The following PSMG2 variants were observed in gnomAD, a reference collection of about 807,000 sequenced individuals.
PSMG2 encodes proteasome assembly chaperone 2, also known as CD40 ligand-activated specific transcript 3.
A neutral mutation model predicts 31.5 loss-of-function variants in PSMG2; 21 were observed. The observed-to-expected ratio is 0.67, with a 90% CI of 0.47 to 0.96. PSMG2 has a LOEUF of 0.96. PSMG2 is among the 40% of genes least tolerant of loss of function. The pLI is 0.00. For synonymous variants in PSMG2, 120 were observed against 110.4 expected, an observed-to-expected ratio of 1.09 and a Z score of -0.54; for missense variants, 318 against 321.2, an observed-to-expected ratio of 0.99 and a Z score of 0.08.
chr18:12,701,083 G>A, upstream of PSMG2: 3 of 1,612,878 alleles, frequency 1.9e-6, no homozygotes, highest in Non-Finnish European at 2.5e-6. Context: ...GTCTCAGCAA[G>A]GATTTCTCTT....
intron 3 of PSMG2, among the ~76,000 whole-genome samples, chr18:12,716,983 C>T (rs1386825871): frequency 2.2e-5 from 3 of 136,978 alleles, no homozygotes; most frequent in Non-Finnish European, 4.6e-5. Flanking sequence ...GACAGGGTGT[C>T]ACTCCACCCA....
intron 1 of PSMG2, chr18:12,686,067 AT>A (rs1438147715): frequency 4.3e-6 from 2 of 468,424 alleles, no homozygotes; most frequent in South Asian, 3.2e-5. Context: ...AATTTGTACT[AT>A]TTTTTATTAT....
chr18:12,661,279 G>T, intron 1 of PSMG2: 1 of 683,248 alleles, frequency 1.5e-6, no homozygotes, highest in Non-Finnish European at 1.8e-6. Flanking sequence ...TTGCACCCCA[G>T]CCTGGGTGAC....
At chr18:12,705,079 T>G (rs1172402354) in intron 1 of PSMG2, among the ~76,000 whole-genome samples, 1 of 152,150 alleles carries the variant, frequency 6.6e-6, no homozygotes, top group African/African-American at 2.4e-5. Context: ...TTTTTTTTTT[T>G]TGAGATGGAG....
intron 2 of PSMG2, among the ~76,000 whole-genome samples, chr18:12,709,896 A>G (rs1472177215): frequency 6.6e-6 from 1 of 150,918 alleles, no homozygotes; most frequent in Non-Finnish European, 1.5e-5. Flanking sequence ...TCAGCCTCCC[A>G]AAGTGCCGGA....
At chr18:12,701,399 G>A (rs1189890225), upstream of PSMG2, among the ~76,000 whole-genome samples, 1 of 152,126 alleles carries the variant, frequency 6.6e-6, no homozygotes, top group Non-Finnish European at 1.5e-5. Context: ...ACTGGGAGTA[G>A]GCAGATCAAA....
intron 2 of PSMG2, among the ~76,000 whole-genome samples, chr18:12,706,927 G>T (rs767644973): frequency 6.6e-6 from 1 of 151,950 alleles, no homozygotes; most frequent in Non-Finnish European, 1.5e-5. Flanking sequence ...TCTTACGAAG[G>T]TTGAGAATAA....
At chr18:12,662,126 T>C (rs1368329217) in intron 1 of PSMG2, 1 of 450,498 alleles carries the variant, frequency 2.2e-6, no homozygotes, top group East Asian at 7.0e-5. Context: ...GCCCAAGCTT[T>C]TCCCAGACAC....
chr18:12,683,338 C>T (rs941175932), intron 1 of PSMG2, among the ~76,000 whole-genome samples: 11 of 142,534 alleles, frequency 7.7e-5, no homozygotes, highest in African/African-American at 2.1e-4. Context: ...GGCGACAGAG[C>T]GAGACCCCGT....
rs911319336 is a variant in PSMG2, at chr18:12,720,494, A to G, written c.408-16A>G. On this transcript the variant is annotated splice_polypyrimidine_tract_variant and intron_variant, in intron 4 of 6. Coordinates refer to ENST00000317615, the MANE Select transcript of PSMG2 (RefSeq NM_020232.5). Reference sequence around the variant, plus strand: ...CTTTAGAGTTTTTAAAAAGTTAACTATATGATTATTTCTAGTACTCCCTTC... The same window carrying G: ...CTTTAGAGTTTTTAAAAAGTTAACTGTATGATTATTTCTAGTACTCCCTTC... The G allele has an allele frequency of 4.5e-6, 7 of 1,552,742 alleles. No individual in the cohort carries two copies. The highest frequency in any genetic ancestry group is 2.2e-5 in the East Asian group (1 of 44,468).
intron 1 of PSMG2, among the ~76,000 whole-genome samples, chr18:12,696,630 G>T (rs1179889718): frequency 6.6e-6 from 1 of 152,088 alleles, no homozygotes; most frequent in Non-Finnish European, 1.5e-5. Context: ...ACATTGGTAG[G>T]TTTTGTTTTC....
intron 1 of PSMG2, chr18:12,673,517 A>G (rs1485291503): frequency 6.4e-7 from 1 of 1,554,810 alleles, no homozygotes; most frequent in African/African-American, 1.4e-5. Context: ...TTTAAGAAAA[A>G]AAAAATTATT....
exon 1 of PSMG2, chr18:12,658,760 C>G: frequency 2.7e-6 from 1 of 368,326 alleles, no homozygotes; most frequent in East Asian, 8.1e-5. Context: ...TCCCTCTCCA[C>G]TCCCATCTTC....
chr18:12,697,332 T>G lies in PSMG2; in HGVS notation c.-36-9218T>G, dbSNP rs755481120. 5 of 1,613,804 alleles carry G rather than the reference T, an allele frequency of 3.1e-6. No individual in the cohort carries two copies. In the African/African-American group the frequency reaches 6.7e-5, roughly 22 times the overall value. Reference sequence around the variant, plus strand: ...CTAAAGTCGTCTCACCAAATATGTCTGTTTTGATTAGCACCATATGAATTG... The same window carrying G: ...CTAAAGTCGTCTCACCAAATATGTCGGTTTTGATTAGCACCATATGAATTG... On this transcript the variant is annotated intron_variant, in intron 1 of 6. Transcript: ENST00000585331.
chr18:12,716,272 G>A (rs375193018), intron 3 of PSMG2, among the ~76,000 whole-genome samples: 1 of 152,084 alleles, frequency 6.6e-6, no homozygotes, highest in East Asian at 1.9e-4. Flanking sequence ...TTTGCAGTTA[G>A]AGTTGGTAAC....
rs534181000 is a variant in PSMG2, at chr18:12,720,226, G to C, written c.408-284G>C. On this transcript the variant is annotated intron_variant, in intron 4 of 6. Coordinates refer to ENST00000317615, the MANE Select transcript of PSMG2 (RefSeq NM_020232.5). ...AGCCAAGAGTTACCTTTCAAAATGAGCTAATTTCCAGGACTTTCACAAAAG... is the reference window on the plus strand; with the variant it reads ...AGCCAAGAGTTACCTTTCAAAATGACCTAATTTCCAGGACTTTCACAAAAG... Among the ~76,000 whole-genome samples, 249 of 152,284 alleles carry C rather than the reference G, an allele frequency of 1.6e-3. 1 individual carries two copies. Among genetic ancestry groups the C allele is most frequent in the African/African-American group, 5.7e-3 (235 of 41,556 alleles).
chr18:12,683,297 A>G (rs2145030549), intron 1 of PSMG2, among the ~76,000 whole-genome samples: 1 of 150,132 alleles, frequency 6.7e-6, no homozygotes, highest in East Asian at 2.0e-4. Flanking sequence ...GGTTGCAGTG[A>G]GTCGAGATCG....
chr18:12,722,672 A>G (rs2040441600), intron 5 of PSMG2, among the ~76,000 whole-genome samples: 1 of 152,216 alleles, frequency 6.6e-6, no homozygotes, highest in Admixed American at 6.5e-5. Context: ...AAGAAACAAT[A>G]TTTAAAATAC....
chr18:12,678,426 T>C (rs774297640), intron 1 of PSMG2: 17 of 1,612,428 alleles, frequency 1.1e-5, no homozygotes, highest in African/African-American at 2.7e-5. Context: ...TCAGGATTGG[T>C]AGGTTTATGG....
Sources: gnomAD v4.1 joint callset for allele counts (sites outside exome capture counted in the v4.1 genomes callset) on GRCh38, gnomAD v4.1.1 for gene constraint, MANE v1.5 for transcripts, NCBI Gene and HGNC (gene_info 2026-07-23, HGNC 2026-07-21) for gene names.